Variants in DERA observed in about 807,000 individuals in gnomAD.
DERA encodes deoxyribose-phosphate aldolase, also known as 2-deoxy-D-ribose 5-phosphate aldolase.
A neutral mutation model predicts 41.1 loss-of-function variants in DERA; 15 were observed. The observed-to-expected ratio is 0.37, with a 90% CI of 0.24 to 0.56. DERA has a LOEUF of 0.56. DERA is among the 20% of genes least tolerant of loss of function. The probability of loss-of-function intolerance (pLI) is 0.81; values close to 1 mark genes in which losing one functional copy is unlikely to be tolerated. For missense variants in DERA, 396 were observed against 403.4 expected (o/e 0.98, Z 0.16); for synonymous variants, 139 against 137.4 (o/e 1.01, Z -0.08).
intron 5 of DERA, among the ~76,000 whole-genome samples, chr12:15,974,105 A>C (rs1948682018): frequency 1.3e-5 from 2 of 152,196 alleles, no homozygotes; most frequent in South Asian, 4.2e-4. Flanking sequence ...ATTTTTCTGG[A>C]CCATTTGGGA....
At position 16,004,304 on chromosome 12, in the gene DERA, A is replaced by G. The variant is rs919208685; in HGVS notation, c.637+21868A>G. Among the ~76,000 whole-genome samples the G allele has an allele frequency of 6.6e-6, 1 of 152,226 alleles. No homozygotes were observed. The highest frequency in any genetic ancestry group is 2.4e-5 in the African/African-American group (1 of 41,456). On this transcript the variant is annotated intron_variant, in intron 6 of 8. Transcript: ENST00000428559. This position sits in a 1 kb window ranked among gnomAD's most constrained non-coding sequence, Gnocchi z 4.2. ...GATGCAGAGAAAAAATCAAAAGCACATATAATTCCCCCAGACCCTACATAA... is the reference window on the plus strand; with the variant it reads ...GATGCAGAGAAAAAATCAAAAGCACGTATAATTCCCCCAGACCCTACATAA...
At chr12:15,963,685 C>T (rs12582507) in intron 5 of DERA, among the ~76,000 whole-genome samples, 47,499 of 151,936 alleles carry the variant, frequency 0.31, 8,247 homozygotes, top group East Asian at 0.68. Flanking sequence ...TTAATGAAAT[C>T]ACAAGTTAAA....
rs866174321 is a variant in DERA, at chr12:15,936,897, T to C, written c.32-20039T>C. 0.024 allele frequency among the ~76,000 whole-genome samples: 3,435 copies of C among 140,386 alleles called. 148 individuals carry two copies. The highest frequency in any genetic ancestry group is 0.079 in the African/African-American group (2,939 of 37,122). The allele number at this position is 140,386 out of a possible 152,430, so 92.1% of individuals were successfully genotyped here. Reference sequence around the variant, plus strand: ...TGTCTTGTCTTGTCTTGTCCTGTCCTGTCCTGTCCTGTCCTGTCCTGTCCT... The same window carrying C: ...TGTCTTGTCTTGTCTTGTCCTGTCCCGTCCTGTCCTGTCCTGTCCTGTCCT... On this transcript the variant is annotated intron_variant, in intron 1 of 8. Transcript: ENST00000428559. The surrounding 1 kb of genome is among the most constrained non-coding windows in gnomAD (Gnocchi z 4.6).
chr12:15,958,099 T>A, intron 2 of DERA, 89 bp from the exon 3 acceptor site: 1 of 1,085,566 alleles, frequency 9.2e-7, no homozygotes, highest in Non-Finnish European at 1.3e-6. Context: ...CATACTTGTC[T>A]AATGATTCTC....
At chr12:15,927,863 C>T (rs188779403) in intron 1 of DERA, among the ~76,000 whole-genome samples, 18 of 151,870 alleles carry the variant, frequency 1.2e-4, no homozygotes, top group African/African-American at 4.1e-4. Context: ...TGAGATTACA[C>T]GGATGAGATT....
At chr12:15,939,548 CTT>C (rs1948394635) in intron 1 of DERA, among the ~76,000 whole-genome samples, 1 of 152,008 alleles carries the variant, frequency 6.6e-6, no homozygotes, top group African/African-American at 2.4e-5. Flanking sequence ...ATGTCTCCCT[CTT>C]TGCAAAATTG....
rs1948370116 is a variant in DERA, at chr12:15,936,902, T to TCCC, written c.32-20034_32-20033insCCC. Reference sequence around the variant, plus strand: ...TGTCTTGTCTTGTCCTGTCCTGTCCTGTCCTGTCCTGTCCTGTCCTGTCCT... The same window carrying TCCC: ...TGTCTTGTCTTGTCCTGTCCTGTCCTCCCGTCCTGTCCTGTCCTGTCCTGTCCT... On this transcript the variant is annotated intron_variant, in intron 1 of 8. Transcript: ENST00000428559. This position sits in a 1 kb window ranked among gnomAD's most constrained non-coding sequence, Gnocchi z 4.6. Among the ~76,000 whole-genome samples, 2 of 141,008 alleles carry TCCC rather than the reference T, an allele frequency of 1.4e-5. No homozygotes were observed. The highest frequency in any genetic ancestry group is 5.3e-5 in the African/African-American group (2 of 37,756). The allele number at this position is 141,008 out of a possible 152,430, so 92.5% of individuals were successfully genotyped here.
Position 15,935,644 on chromosome 12 carries a change from A to T in DERA, c.32-21292A>T, listed in dbSNP as rs1247984305. On this transcript the variant is annotated intron_variant, in intron 1 of 8. Coordinates refer to ENST00000428559, the MANE Select transcript of DERA (RefSeq NM_015954.4). The surrounding 1 kb of genome is among the most constrained non-coding windows in gnomAD (Gnocchi z 4.8). ...TATTTACATTTTAAAGTTGGGGAAG[A>T]TAAAAATAAAATAATTCCTAGTCTG... Among the ~76,000 whole-genome samples, 1 of 152,226 alleles carries T rather than the reference A, an allele frequency of 6.6e-6. No individual in the cohort carries two copies. The highest frequency in any genetic ancestry group is 1.5e-5 in the Non-Finnish European group (1 of 68,040).
In DERA at chr12:16,019,277, C is replaced by T. The variant is rs1338568992; in HGVS notation, c.638-13265C>T. 6.6e-6 allele frequency among the ~76,000 whole-genome samples: 1 copy of T among 152,172 alleles called. No homozygotes were observed. The highest frequency in any genetic ancestry group is 2.4e-5 in the African/African-American group (1 of 41,446). On this transcript the variant is annotated intron_variant, in intron 6 of 8. Transcript: ENST00000428559. The surrounding 1 kb of genome is among the most constrained non-coding windows in gnomAD (Gnocchi z 4.4). ...GTAATTAAAGCTAGGTCTTATTCCT[C>T]ACTTAAAAAATAGCCAGTGTCTGCA...
intron 1 of DERA, among the ~76,000 whole-genome samples, chr12:15,942,572 A>G (rs184016895): frequency 7.4e-4 from 112 of 152,294 alleles, no homozygotes; most frequent in African/African-American, 2.6e-3. Context: ...TCATTTTTAT[A>G]CATCTGGCTT....
Position 15,998,466 on chromosome 12 carries a change from C to T in DERA, c.637+16030C>T, listed in dbSNP as rs897488537. Among the ~76,000 whole-genome samples the T allele has an allele frequency of 2.0e-5, 3 of 152,100 alleles. No homozygotes were observed. The highest frequency in any genetic ancestry group is 1.3e-4 in the Admixed American group (2 of 15,282). ...CCGAGTAGCTGAGATTACAGGCATC[C>T]ACCACCATGCCCGGCTAATTTTCTA... On this transcript the variant is annotated intron_variant, in intron 6 of 8. Transcript: ENST00000428559. This position sits in a 1 kb window ranked among gnomAD's most constrained non-coding sequence, Gnocchi z 4.8.
rs922864214 is a variant in DERA at position 16,013,403 on chromosome 12, T to C, written c.638-19139T>C. Among the ~76,000 whole-genome samples, 1 of 152,156 alleles carries C rather than the reference T, an allele frequency of 6.6e-6. No individual in the cohort carries two copies. Among genetic ancestry groups the C allele is most frequent in the South Asian group, 2.1e-4 (1 of 4,824 alleles). On this transcript the variant is annotated intron_variant, in intron 6 of 8. Transcript: ENST00000428559. This position sits in a 1 kb window ranked among gnomAD's most constrained non-coding sequence, Gnocchi z 5.8. ...CCCATGTTGTTCTTACCATAATGAG[T>C]GAGTTCTTAGGAGATCTGATGGTTT... is the stretch of plus-strand genomic sequence containing the variant.
In DERA at chr12:16,012,184, G is replaced by A. The variant is rs1022206733; in HGVS notation, c.638-20358G>A. On this transcript the variant is annotated intron_variant, in intron 6 of 8. Transcript: ENST00000428559. The surrounding 1 kb of genome is among the most constrained non-coding windows in gnomAD (Gnocchi z 4.1). ...GATGTTGAAGGGTTGGGAAAGAGAG[G>A]AGTTGAGTTGAGCACAGAGATGTGA... is the stretch of plus-strand genomic sequence containing the variant. Among the ~76,000 whole-genome samples, 3 of 152,118 alleles carry A rather than the reference G, an allele frequency of 2.0e-5. No homozygotes were observed. The highest frequency in any genetic ancestry group is 4.4e-5 in the Non-Finnish European group (3 of 68,014).
In DERA at chr12:15,913,721, T is replaced by G. The variant is rs1043637163; in HGVS notation, c.31+2307T>G. Among the ~76,000 whole-genome samples the G allele has an allele frequency of 2.0e-5, 3 of 152,192 alleles. No homozygotes were observed. Among genetic ancestry groups the G allele is most frequent in the African/African-American group, 7.2e-5 (3 of 41,444 alleles). On this transcript the variant is annotated intron_variant, in intron 1 of 8. Transcript: ENST00000428559. This position sits in a 1 kb window ranked among gnomAD's most constrained non-coding sequence, Gnocchi z 4.5. ...AAACCTGACCCTCATGATTAAAAAG[T>G]CTTTAAGGAAAACATTGGCATTTGG...
chr12:15,916,208 G>A (rs1192760952), intron 1 of DERA: 3 of 152,168 alleles, frequency 2.0e-5, no homozygotes, highest in Non-Finnish European at 4.4e-5. Flanking sequence ...TGTTAGTGAA[G>A]TTTTCAAGGA....
intron 5 of DERA, among the ~76,000 whole-genome samples, chr12:15,969,102 G>A (rs145651570): frequency 8.5e-4 from 129 of 152,240 alleles, no homozygotes; most frequent in African/African-American, 3.0e-3. Context: ...ATGTAATACA[G>A]TATTTCTTAA....
chr12:15,960,636 C>CA (rs1163104277), intron 4 of DERA, among the ~76,000 whole-genome samples: 1,313 of 28,690 alleles, frequency 0.046, 320 homozygotes, highest in African/African-American at 0.07. Context: ...GACTCCGTCT[C>CA]AAAAAAAAAA....
In DERA at chr12:15,995,504, C is replaced by G. The variant is rs1270449482; in HGVS notation, c.637+13068C>G. On this transcript the variant is annotated intron_variant, in intron 6 of 8. Coordinates refer to ENST00000428559, the MANE Select transcript of DERA (RefSeq NM_015954.4). The surrounding 1 kb of genome is among the most constrained non-coding windows in gnomAD (Gnocchi z 5.1). ...ATTAACCAGGGTTGTGATACAACTG[C>G]CACTTGAGTTCTGTACTTTTCTTCC... is the stretch of plus-strand genomic sequence containing the variant. 1.3e-5 allele frequency among the ~76,000 whole-genome samples: 2 copies of G among 152,044 alleles called. No homozygotes were observed.
rs1948615471 is a variant in DERA, at chr12:15,965,436, C to G, written c.508+2489C>G. ...GTGCCTCATGCATTAGCTATTTTCC[C>G]TAATGCACTACCTGCCTCCACCCTC... On this transcript the variant is annotated intron_variant, in intron 5 of 8. Coordinates refer to ENST00000428559, the MANE Select transcript of DERA (RefSeq NM_015954.4). The surrounding 1 kb of genome is among the most constrained non-coding windows in gnomAD (Gnocchi z 4.1). 6.6e-6 allele frequency among the ~76,000 whole-genome samples: 1 copy of G among 152,142 alleles called. No homozygotes were observed.
Sources: gnomAD v4.1 joint callset for allele counts (sites outside exome capture counted in the v4.1 genomes callset) on GRCh38, gnomAD v4.1.1 for gene constraint, Gnocchi (gnomAD v3.1) non-coding constraint, MANE v1.5 for transcripts, NCBI Gene and HGNC (gene_info 2026-07-23, HGNC 2026-07-21) for gene names.